RYR3: variants seen among roughly 807,000 people sequenced by gnomAD.
RYR3 encodes ryanodine receptor 3.
RYR3 carries 207 observed loss-of-function variants against 584.3 expected under a neutral mutation model. The ratio of observed to expected loss-of-function variants is 0.35; its 90% CI spans 0.32 to 0.40. The LOEUF is 0.40. Ranked by LOEUF, RYR3 falls within the 10% of genes least tolerant of loss-of-function variation. The pLI is 1.00. For synonymous variants in RYR3, 2,416 were observed against 2,248.5 expected, an observed-to-expected ratio of 1.07 and a Z score of -2.11; for missense variants, 5,616 against 6,089.2, an observed-to-expected ratio of 0.92 and a Z score of 2.59.
intron 3 of RYR3, among the ~76,000 whole-genome samples, chr15:33,528,916 G>T (rs2054616377): frequency 6.6e-6 from 1 of 152,176 alleles, no homozygotes; most frequent in Non-Finnish European, 1.5e-5. Context: ...TTGGAGGAAG[G>T]TAGGAAGTAT....
intron 60 of RYR3, among the ~76,000 whole-genome samples, chr15:33,761,221 A>G (rs953967793): frequency 6.6e-6 from 1 of 152,174 alleles, no homozygotes; most frequent in Non-Finnish European, 1.5e-5. Flanking sequence ...CACAAATTCA[A>G]AAGCTAGCAG....
chr15:33,782,012 T>C (rs2074417262), intron 65 of RYR3, among the ~76,000 whole-genome samples: 1 of 152,184 alleles, frequency 6.6e-6, no homozygotes, highest in South Asian at 2.1e-4. Flanking sequence ...AGCCCAGGTG[T>C]TGCTTCCTGA....
chr15:33,824,441 T>C (rs193272619), intron 81 of RYR3, among the ~76,000 whole-genome samples: 1 of 152,322 alleles, frequency 6.6e-6, no homozygotes, highest in Admixed American at 6.5e-5. Context: ...GTTGCATAGA[T>C]TCAGATTCAA....
chr15:33,583,764 T>C (rs2058704916), intron 14 of RYR3, among the ~76,000 whole-genome samples: 1 of 151,852 alleles, frequency 6.6e-6, no homozygotes, highest in Non-Finnish European at 1.5e-5. Context: ...CAATAAAAAA[T>C]ATTTACGCCA....
intron 60 of RYR3, among the ~76,000 whole-genome samples, chr15:33,763,717 C>A (rs1392772256): frequency 2.6e-5 from 4 of 151,810 alleles, no homozygotes; most frequent in Non-Finnish European, 5.9e-5. Context: ...CATGGTGAAA[C>A]CCCGTCTCTA....
At chr15:33,423,038 T>G (rs2044349298) in intron 1 of RYR3, among the ~76,000 whole-genome samples, 1 of 152,200 alleles carries the variant, frequency 6.6e-6, no homozygotes, top group Non-Finnish European at 1.5e-5. Flanking sequence ...AGTTTTAATT[T>G]TAATGGTTAA....
chr15:33,368,469 C>T (rs1361840485), intron 1 of RYR3, among the ~76,000 whole-genome samples: 1 of 151,556 alleles, frequency 6.6e-6, no homozygotes, highest in Non-Finnish European at 1.5e-5. Flanking sequence ...CAGCAGCCCC[C>T]ACATTAGTCT....
In RYR3 at chr15:33,757,526, T is replaced by C. The variant is rs1389243459; in HGVS notation, c.8635T>C (p.Leu2879=). ...CTTCACCAGTCATTGCCTCTACTTCTTGTCATCCCCTCTGAAGCCCCTTAG... is the reference window on the plus strand; with the variant it reads ...CTTCACCAGTCATTGCCTCTACTTCCTGTCATCCCCTCTGAAGCCCCTTAG... The part of the protein sequence containing the change: ...QYFTSHCLYF[L]SSPLKPLSSS... Residue 2879 remains leucine (L), a synonymous_variant, in exon 60 of 104, where the codon TTG becomes CTG. Transcript: ENST00000634891. 6.2e-7 allele frequency: 1 copy of C among 1,611,234 alleles called. No homozygotes were observed. The highest frequency in any genetic ancestry group is 8.5e-7 in the Non-Finnish European group (1 of 1,178,992).
At chr15:33,534,877 G>A (rs188932464) in intron 5 of RYR3, among the ~76,000 whole-genome samples, 26 of 152,304 alleles carry the variant, frequency 1.7e-4, no homozygotes, top group Admixed American at 5.2e-4. Flanking sequence ...GGCATTACAT[G>A]TGGAATTTCT....
At chr15:33,526,928 C>T (rs1354384511) in intron 3 of RYR3, among the ~76,000 whole-genome samples, 1 of 152,126 alleles carries the variant, frequency 6.6e-6, no homozygotes, top group East Asian at 1.9e-4. Flanking sequence ...GATGTTTGAG[C>T]ACAGAACTGA....
At chr15:33,670,592 T>C (rs780803367) in intron 38 of RYR3, 36 bp downstream of exon 38, 7 of 1,524,096 alleles carry the variant, frequency 4.6e-6, no homozygotes, top group African/African-American at 1.4e-5. Flanking sequence ...AGTGTGCTCT[T>C]CTAAGACTTA....
rs776324089 is a variant in RYR3, at chr15:33,631,198, G to A, written c.2784-12G>A. ...CAGTTAACCTTAGTCTTCTCCTTCT[G>A]TTGTGTCACAGAACCCTCTTGGCCC... On this transcript the variant is annotated splice_polypyrimidine_tract_variant and intron_variant, in intron 22 of 103. Transcript: ENST00000634891. 3 of 1,544,344 alleles carry A rather than the reference G, an allele frequency of 1.9e-6. No individual in the cohort carries two copies. The highest frequency in any genetic ancestry group is 2.4e-5 in the South Asian group (2 of 84,170).
intron 2 of RYR3, among the ~76,000 whole-genome samples, chr15:33,485,713 T>G (rs2050360067): frequency 6.6e-6 from 1 of 152,174 alleles, no homozygotes; most frequent in Non-Finnish European, 1.5e-5. Flanking sequence ...CGACCATGAA[T>G]TTTTAGTGCT....
intron 19 of RYR3, among the ~76,000 whole-genome samples, chr15:33,616,148 A>G (rs1479913209): frequency 6.6e-6 from 1 of 152,162 alleles, no homozygotes; most frequent in Non-Finnish European, 1.5e-5. Flanking sequence ...GAGTACACCT[A>G]TTTCACAAGC....
intron 21 of RYR3, among the ~76,000 whole-genome samples, 189 bp downstream of exon 21, chr15:33,628,764 G>T (rs1184269251): frequency 6.6e-6 from 1 of 152,094 alleles, no homozygotes; most frequent in Admixed American, 6.5e-5. Context: ...TTTTATTCGG[G>T]ATATAGCACT....
At chr15:33,424,493 G>A (rs775432402) in intron 1 of RYR3, among the ~76,000 whole-genome samples, 12 of 152,180 alleles carry the variant, frequency 7.9e-5, no homozygotes, top group Non-Finnish European at 1.3e-4. Context: ...CCTTTGCAGC[G>A]TAGGTCGCTA....
rs1230568710 is a variant in RYR3 at position 33,452,517 on chromosome 15, C to T, written c.52-20902C>T. The stretch of plus-strand genomic sequence containing the variant: ...AAGAAGACATAGGCCATTGAGTATT[C>T]GTTATTCTTAAAGGGCTTCTTAAAT... On this transcript the variant is annotated intron_variant, in intron 1 of 103. Coordinates refer to ENST00000634891, the MANE Select transcript of RYR3 (RefSeq NM_001036.6). 2.6e-5 allele frequency among the ~76,000 whole-genome samples: 4 copies of T among 152,200 alleles called. No homozygotes were observed. The East Asian group carries it at 5.8e-4, about 22-fold the overall frequency.
At chr15:33,454,571 G>A (rs1477191106) in intron 1 of RYR3, among the ~76,000 whole-genome samples, 1 of 152,182 alleles carries the variant, frequency 6.6e-6, no homozygotes, top group Non-Finnish European at 1.5e-5. Flanking sequence ...GGATGGAGGA[G>A]GCAGACAAGC....
At chr15:33,448,834 C>T (rs940775764) in intron 1 of RYR3, among the ~76,000 whole-genome samples, 1 of 152,094 alleles carries the variant, frequency 6.6e-6, no homozygotes, top group Non-Finnish European at 1.5e-5. Flanking sequence ...GGGTCAATGG[C>T]TCTGTCTCGG....
Sources: gnomAD v4.1 joint callset for allele counts (sites outside exome capture counted in the v4.1 genomes callset) on GRCh38, gnomAD v4.1.1 for gene constraint, MANE v1.5 for transcripts, NCBI Gene and HGNC (gene_info 2026-07-23, HGNC 2026-07-21) for gene names.